PRH1: variants seen among roughly 807,000 people sequenced by gnomAD.
PRH1 encodes the protein proline rich protein HaeIII subfamily 1.
PRH1 carries 7 observed loss-of-function variants against 7.9 expected under a neutral mutation model. The observed-to-expected ratio is 0.89, with a 90% CI of 0.50 to 1.67. The LOEUF is 1.67. Ranked by LOEUF, PRH1 falls within the 40% of genes most tolerant of loss-of-function variation. The pLI is 0.00. For synonymous variants in PRH1, 45 were observed against 80.8 expected (o/e 0.56, Z 2.38); for missense variants, 109 against 223.6 (o/e 0.49, Z 3.27).
chr12:11,003,777 TTAA>T (rs1940701724), intron 1 of PRH1, among the ~76,000 whole-genome samples: 1 of 151,856 alleles, frequency 6.6e-6, no homozygotes, highest in Non-Finnish European at 1.5e-5. Context: ...GTTTTTGATG[TTAA>T]TAATTACTAT....
At chr12:11,145,896 TTTATC>T (rs1198215188) in intron 1 of PRH1, among the ~76,000 whole-genome samples, 1 of 152,138 alleles carries the variant, frequency 6.6e-6, no homozygotes, top group Non-Finnish European at 1.5e-5. Context: ...TGTTAAGGCT[TTTATC>T]TTAATGTTAA....
chr12:11,091,833 A>G (rs111982292), intron 1 of PRH1: 435,650 of 922,192 alleles, frequency 0.47, 127,431 homozygotes, highest in Admixed American at 0.52. Context: ...GGCCCCAACA[A>G]CATCACCAGA....
chr12:10,944,929 G>C (rs1462693462), intron 2 of PRH1, among the ~76,000 whole-genome samples: 1 of 152,122 alleles, frequency 6.6e-6, no homozygotes, highest in African/African-American at 2.4e-5. Context: ...TGGTGGATTA[G>C]CTTTTTGATG....
intron 2 of PRH1, among the ~76,000 whole-genome samples, chr12:10,927,437 A>G (rs1323698777): frequency 6.6e-6 from 1 of 152,190 alleles, no homozygotes; most frequent in Non-Finnish European, 1.5e-5. Flanking sequence ...CCTGTGCCTA[A>G]GATACAACCC....
chr12:10,979,858 C>T (rs7964132), intron 1 of PRH1, among the ~76,000 whole-genome samples: 311 of 152,138 alleles, frequency 2.0e-3, no homozygotes, highest in African/African-American at 7.0e-3. Flanking sequence ...TGTTTTTTGT[C>T]TAAATATCTG....
chr12:11,085,665 C>A (rs1387791724), intron 1 of PRH1, among the ~76,000 whole-genome samples: 1 of 115,758 alleles, frequency 8.6e-6, no homozygotes, highest in East Asian at 2.1e-4. Flanking sequence ...ACAGCTGAAA[C>A]TGACTCATAT....
chr12:10,994,424 CT>C (rs578135255), intron 1 of PRH1, among the ~76,000 whole-genome samples: 67 of 152,324 alleles, frequency 4.4e-4, no homozygotes, highest in African/African-American at 1.4e-3. Context: ...TCTCGCAGCC[CT>C]TCTGAAAAAG....
intron 1 of PRH1, among the ~76,000 whole-genome samples, chr12:11,164,062 T>C (rs1565720374): frequency 6.6e-6 from 1 of 152,190 alleles, no homozygotes; most frequent in African/African-American, 2.4e-5. Context: ...CCTGATATCA[T>C]CAGTAGCTGT....
chr12:11,021,046 C>T (rs1006050333), intron 1 of PRH1, among the ~76,000 whole-genome samples: 2 of 152,166 alleles, frequency 1.3e-5, no homozygotes, highest in African/African-American at 4.8e-5. Flanking sequence ...GGTATTAAAT[C>T]TAGTATTCTT....
Position 11,092,111 on chromosome 12 carries a change from T to C in PRH1, n.124-44923A>G, listed in dbSNP as rs966587470. 7.2e-6 allele frequency: 11 copies of C among 1,534,810 alleles called. No individual in the cohort carries two copies. In the African/African-American group the frequency reaches 1.3e-4, roughly 18 times the overall value. ...GAGAATTTGGTCAGCAAAGGAGATCTTTTGTCTCTTGAACCACTCAATGGA... is the reference window on the plus strand; with the variant it reads ...GAGAATTTGGTCAGCAAAGGAGATCCTTTGTCTCTTGAACCACTCAATGGA... On this transcript the variant is annotated intron_variant and non_coding_transcript_variant, in intron 1 of 4. Transcript: ENST00000541977.
chr12:10,936,284 T>C (rs1416953411), intron 2 of PRH1, among the ~76,000 whole-genome samples: 1 of 151,924 alleles, frequency 6.6e-6, no homozygotes. Context: ...CAGGCTAAGA[T>C]CAAAAAATAA....
chr12:10,881,475 A>G (rs1422989366), intron 3 of PRH1, among the ~76,000 whole-genome samples: 1 of 152,228 alleles, frequency 6.6e-6, no homozygotes, highest in East Asian at 1.9e-4. Context: ...CAAACTAACC[A>G]ATAAACACTG....
chr12:11,008,724 T>A (rs1285372234), intron 1 of PRH1, among the ~76,000 whole-genome samples: 1 of 152,144 alleles, frequency 6.6e-6, no homozygotes, highest in African/African-American at 2.4e-5. Context: ...TCTTTTCATT[T>A]CTCTATATTG....
intron 2 of PRH1, among the ~76,000 whole-genome samples, chr12:10,956,368 A>AT (rs1555115603): frequency 6.6e-6 from 1 of 152,178 alleles, no homozygotes; most frequent in Non-Finnish European, 1.5e-5. Context: ...ATAAAATTCA[A>AT]TGTCTCTTCA....
In PRH1 at chr12:10,934,454, T is replaced by C. The variant is rs570813149; in HGVS notation, c.-59+39201A>G. On this transcript the variant is annotated intron_variant, in intron 2 of 3. Coordinates refer to the PRH1 transcript ENST00000539853. ...TGAATCCATTCCCCAAAATTCCAATTAGGAATTATATATTTATTATTATAA... is the reference window on the plus strand; with the variant it reads ...TGAATCCATTCCCCAAAATTCCAATCAGGAATTATATATTTATTATTATAA... Among the ~76,000 whole-genome samples the C allele has an allele frequency of 2.7e-3, 417 of 152,184 alleles. 1 individual carries two copies. Among genetic ancestry groups the C allele is most frequent in the Non-Finnish European group, 4.4e-3 (298 of 67,978 alleles).
chr12:10,990,261 C>A (rs975936002), intron 1 of PRH1, among the ~76,000 whole-genome samples: 3 of 152,076 alleles, frequency 2.0e-5, no homozygotes, highest in Non-Finnish European at 2.9e-5. Flanking sequence ...AATTGGATAT[C>A]CATTTGCAGA....
At chr12:11,139,133 T>C (rs1294984344) in intron 1 of PRH1, among the ~76,000 whole-genome samples, 5 of 152,216 alleles carry the variant, frequency 3.3e-5, no homozygotes, top group Admixed American at 6.5e-5. Context: ...TACAATGGTA[T>C]CTATGAGAAT....
rs543667974 is a variant in PRH1 at position 11,090,289 on chromosome 12, C to A, written n.124-43101G>T. Among the ~76,000 whole-genome samples, 9 of 115,698 alleles carry A rather than the reference C, an allele frequency of 7.8e-5. 2 individuals are homozygous for A. The South Asian group carries it at 1.4e-3, about 18-fold the overall frequency. The allele number at this position is 115,698 out of a possible 152,430, so 75.9% of individuals were successfully genotyped here. On this transcript the variant is annotated intron_variant and non_coding_transcript_variant, in intron 1 of 4. Transcript: ENST00000541977. Reference sequence around the variant, plus strand: ...TTGACTGAAATATTTTCCACAATTTCTATACTATATTTACATTGATTTTAT... The same window carrying A: ...TTGACTGAAATATTTTCCACAATTTATATACTATATTTACATTGATTTTAT...
intron 1 of PRH1, among the ~76,000 whole-genome samples, chr12:11,110,375 C>A (rs955418592): frequency 1.3e-5 from 2 of 152,056 alleles, no homozygotes; most frequent in Non-Finnish European, 2.9e-5. Context: ...GTCAGATTCA[C>A]CAAGGTTGAA....
Sources: allele counts gnomAD v4.1 joint callset (sites outside exome capture counted in the v4.1 genomes callset), GRCh38; gene constraint gnomAD v4.1.1; transcripts MANE v1.5; gene names NCBI Gene and HGNC (gene_info 2026-07-23, HGNC 2026-07-21).